Variants in ZBTB44 observed in about 807,000 individuals in gnomAD.
ZBTB44 encodes zinc finger and BTB domain-containing protein 44.
ZBTB44 carries 15 observed loss-of-function variants against 54.0 expected under a neutral mutation model. The observed-to-expected ratio is 0.28, with a 90% CI of 0.19 to 0.43. The LOEUF (loss-of-function observed/expected upper bound fraction) is 0.43. ZBTB44 is among the 20% of genes least tolerant of loss of function. ZBTB44 has a pLI of 1.00. For missense variants in ZBTB44, 487 were observed against 707.1 expected (o/e 0.69, Z 3.53); for synonymous variants, 230 against 250.1 (o/e 0.92, Z 0.76).
rs1289553560 is a variant in ZBTB44, at chr11:130,300,404, AAAAT to A, written c.-57+13967_-57+13970del. Among the ~76,000 whole-genome samples, 7 of 152,336 alleles carry A rather than the reference AAAAT, an allele frequency of 4.6e-5. No individual in the cohort carries two copies. The South Asian group carries it at 1.2e-3, about 27-fold the overall frequency. On this transcript the variant is annotated intron_variant, in intron 1 of 7. Transcript: ENST00000357899. ...GCTAGAAAAAGAGCAAAGAAAACCC[AAAAT>A]AAATAGACAAAACAAAGCACAGACA...
At chr11:130,313,688 A>AT (rs1942753369) in intron 1 of ZBTB44, among the ~76,000 whole-genome samples, 1 of 152,166 alleles carries the variant, frequency 6.6e-6, no homozygotes, top group South Asian at 2.1e-4. Context: ...TGAAAAAGAA[A>AT]TTAAGTTTTT....
chr11:130,265,439 G>A (rs576633678), intron 1 of ZBTB44, among the ~76,000 whole-genome samples: 16 of 152,220 alleles, frequency 1.1e-4, no homozygotes, highest in Admixed American at 6.5e-5. Flanking sequence ...TGGCCAGCCT[G>A]GTCTCGAACT....
chr11:130,279,665 AACC>A (rs985530834), intron 1 of ZBTB44, among the ~76,000 whole-genome samples: 1 of 151,646 alleles, frequency 6.6e-6, no homozygotes, highest in Non-Finnish European at 1.5e-5. Context: ...TCTCAAAACC[AACC>A]AACCAACCAA....
In ZBTB44 at chr11:130,231,280, A is replaced by G. The variant is rs1434136267; in HGVS notation, c.*484T>C. On this transcript the variant is annotated 3_prime_UTR_variant, in exon 8 of 8. Transcript: ENST00000357899. Reference sequence around the variant, plus strand: ...CAGATCCAATATCCTTAAAGTACATATATATCAAGAAAAATGTACCCTCAC... The same window carrying G: ...CAGATCCAATATCCTTAAAGTACATGTATATCAAGAAAAATGTACCCTCAC... 2 of 152,098 alleles carry G rather than the reference A, an allele frequency of 1.3e-5. No homozygotes were observed. The highest frequency in any genetic ancestry group is 2.9e-5 in the Non-Finnish European group (2 of 67,968). The allele number at this position is 152,098 out of a possible 1,614,324, so 9.4% of individuals were successfully genotyped here. A position where few individuals can be genotyped will look rare whatever the true frequency, so the allele number is the denominator to read the frequency against.
chr11:130,272,544 GGTT>G (rs1200570979), intron 1 of ZBTB44, among the ~76,000 whole-genome samples: 1 of 152,110 alleles, frequency 6.6e-6, no homozygotes, highest in African/African-American at 2.4e-5. Context: ...TCATTCTGTG[GGTT>G]GTCTTTTATG....
chr11:130,308,588 C>T (rs1942405454), intron 1 of ZBTB44, among the ~76,000 whole-genome samples: 4 of 152,272 alleles, frequency 2.6e-5, no homozygotes, highest in South Asian at 2.1e-4. Context: ...GCACAGCTGG[C>T]ATACAGAAAG....
At chr11:130,286,385 T>A (rs1393325281) in intron 1 of ZBTB44, among the ~76,000 whole-genome samples, 2 of 152,210 alleles carry the variant, frequency 1.3e-5, no homozygotes, top group Non-Finnish European at 2.9e-5. Flanking sequence ...AAAAAAAATC[T>A]ATTAATTTGA....
chr11:130,247,640 G>C (rs1240063108), intron 2 of ZBTB44, among the ~76,000 whole-genome samples: 2 of 152,122 alleles, frequency 1.3e-5, no homozygotes, highest in Non-Finnish European at 2.9e-5. Flanking sequence ...ACTGGCCCTG[G>C]AGGCCAAGTT....
At chr11:130,278,934 G>A (rs1940303968) in intron 1 of ZBTB44, among the ~76,000 whole-genome samples, 1 of 151,968 alleles carries the variant, frequency 6.6e-6, no homozygotes, top group Non-Finnish European at 1.5e-5. Flanking sequence ...CTCTCACACA[G>A]GCAGTTTATA....
At chr11:130,266,241 A>C (rs1474110569) in intron 1 of ZBTB44, among the ~76,000 whole-genome samples, 1 of 152,232 alleles carries the variant, frequency 6.6e-6, no homozygotes, top group African/African-American at 2.4e-5. Context: ...TGATGACAGC[A>C]CATCTATTTA....
intron 1 of ZBTB44, among the ~76,000 whole-genome samples, chr11:130,275,377 CTA>C (rs1162711352): frequency 2.6e-5 from 4 of 152,150 alleles, no homozygotes; most frequent in African/African-American, 7.2e-5. Context: ...CAGGGATTCA[CTA>C]TGTTGCCCAG....
At chr11:130,300,247 T>C (rs1209591553) in intron 1 of ZBTB44, among the ~76,000 whole-genome samples, 1 of 152,164 alleles carries the variant, frequency 6.6e-6, no homozygotes, top group Non-Finnish European at 1.5e-5. Flanking sequence ...TGGTGATGGT[T>C]GTATAATAAT....
At position 130,296,438 on chromosome 11, in the gene ZBTB44, T is replaced by C. The variant is rs771756531; in HGVS notation, c.-57+17937A>G. The C allele has an allele frequency of 3.9e-4, 509 of 1,303,192 alleles. 1 individual carries two copies. Among genetic ancestry groups the C allele is most frequent in the Non-Finnish European group, 5.3e-4 (498 of 938,100 alleles). 80.7% of individuals were successfully genotyped at this position (1,303,192 alleles called of 1,614,324 possible). On this transcript the variant is annotated intron_variant, in intron 1 of 7. Transcript: ENST00000357899. Reference sequence around the variant, plus strand: ...ATGGAAAGCAAAAGCAAAATAAATGTACGACCACATTCTTCCAGTTCTGCA... The same window carrying C: ...ATGGAAAGCAAAAGCAAAATAAATGCACGACCACATTCTTCCAGTTCTGCA...
At chr11:130,299,898 A>G (rs1176342182) in intron 1 of ZBTB44, among the ~76,000 whole-genome samples, 2 of 152,254 alleles carry the variant, frequency 1.3e-5, no homozygotes, top group East Asian at 3.8e-4. Context: ...GCCAAAAGGT[A>G]GAAGCAACCC....
At chr11:130,276,939 G>A (rs1940147067) in intron 1 of ZBTB44, among the ~76,000 whole-genome samples, 1 of 152,030 alleles carries the variant, frequency 6.6e-6, no homozygotes, top group African/African-American at 2.4e-5. Context: ...CTATTTGCTG[G>A]ATACGAGTAA....
chr11:130,299,126 T>C (rs894922449), intron 1 of ZBTB44, among the ~76,000 whole-genome samples: 3 of 151,920 alleles, frequency 2.0e-5, no homozygotes, highest in Admixed American at 6.6e-5. Flanking sequence ...CGTCACCACA[T>C]TGACATTTAT....
At chr11:130,246,667 T>C (rs1003420987) in intron 2 of ZBTB44, among the ~76,000 whole-genome samples, 5 of 152,204 alleles carry the variant, frequency 3.3e-5, no homozygotes, top group African/African-American at 1.2e-4. Flanking sequence ...TACTGAGTAT[T>C]TACCATGTGC....
chr11:130,266,107 C>T (rs1939230878), intron 1 of ZBTB44, among the ~76,000 whole-genome samples: 1 of 152,200 alleles, frequency 6.6e-6, no homozygotes, highest in Non-Finnish European at 1.5e-5. Flanking sequence ...CTCTTGTAAG[C>T]GGCTAATGCA....
intron 2 of ZBTB44, among the ~76,000 whole-genome samples, chr11:130,252,265 G>A (rs1015625269): frequency 3.3e-5 from 5 of 152,118 alleles, no homozygotes; most frequent in Non-Finnish European, 5.9e-5. Flanking sequence ...GAAGCACCCA[G>A]ATTCATAAAA....
Sources: gnomAD v4.1 joint callset for allele counts (sites outside exome capture counted in the v4.1 genomes callset) on GRCh38, gnomAD v4.1.1 for gene constraint, MANE v1.5 for transcripts, NCBI Gene and HGNC (gene_info 2026-07-23, HGNC 2026-07-21) for gene names.